Variants in CSGALNACT2 observed in about 807,000 individuals in gnomAD.
CSGALNACT2 encodes the protein chondroitin sulfate N-acetylgalactosaminyltransferase 2, also known as beta 4 GalNAcT-2.
In CSGALNACT2, 35 loss-of-function variants were observed where a neutral mutation model predicts 55.3. The ratio of observed to expected loss-of-function variants is 0.63; its 90% CI spans 0.48 to 0.84. CSGALNACT2 has a LOEUF of 0.84. Among genes scored for constraint, CSGALNACT2 ranks in the 40% least tolerant of loss-of-function variants. The pLI is 0.00. For missense variants in CSGALNACT2, 544 were observed against 657.5 expected (o/e 0.83, Z 1.89); for synonymous variants, 196 against 224.9 (o/e 0.87, Z 1.15).
intron 6 of CSGALNACT2, among the ~76,000 whole-genome samples, chr10:43,171,755 C>A (rs1439549915): frequency 1.3e-5 from 2 of 152,220 alleles, no homozygotes; most frequent in African/African-American, 4.8e-5. Flanking sequence ...TTAAGCACTT[C>A]AAGTTCTAGT....
intron 4 of CSGALNACT2, chr10:43,163,309 A>G (rs931277547): frequency 6.9e-5 from 56 of 814,904 alleles, no homozygotes; most frequent in Non-Finnish European, 8.3e-5. Context: ...ATCCATAGTA[A>G]TGAACAAAAC....
rs1275174063 is a variant in CSGALNACT2 at position 43,138,513 on chromosome 10, C to T, written c.-308C>T. On this transcript the variant is annotated 5_prime_UTR_variant, in exon 1 of 8. Transcript: ENST00000374466. ...GCGGCGGGCCCAAGGCGTGAGGCGC[C>T]GCCCGGGTGTCCCCGCGGCGCAGGA... 2.7e-5 allele frequency: 4 copies of T among 150,406 alleles called. No individual in the cohort carries two copies. The East Asian group carries it at 7.8e-4, about 29-fold the overall frequency. 9.3% of individuals were successfully genotyped at this position (150,406 alleles called of 1,614,324 possible).
intron 7 of CSGALNACT2, 71 bp downstream of exon 7, chr10:43,176,103 T>C: frequency 7.9e-7 from 1 of 1,270,782 alleles, no homozygotes; most frequent in Non-Finnish European, 1.1e-6. Context: ...CTAAAAGGTC[T>C]CAGATTTGAG....
Position 43,155,228 on chromosome 10 carries a change from T to G in CSGALNACT2, c.79T>G (p.Leu27Val). The change falls in exon 2 of 8, where the codon TTA (leucine) becomes GTA (valine). Residue 27 changes from leucine to valine, a missense_variant. By Grantham distance (32) the Leu-to-Val change is conservative (BLOSUM62 1). Transcript: ENST00000374466. ...LGLALLCSLVLFMYLLECAPQ... is the reference protein window; with the variant it reads ...LGLALLCSLVVFMYLLECAPQ... ...CCTTGCTTTGCTCTGCAGTTTGGTA[T>G]TATTTATGTACCTCCTGGAATGTGC... is the stretch of plus-strand genomic sequence containing the variant. The G allele has an allele frequency of 6.2e-7, 1 of 1,614,184 alleles. No homozygotes were observed. The highest frequency in any genetic ancestry group is 1.1e-5 in the South Asian group (1 of 91,078).
chr10:43,140,463 GATTC>G (rs954218959), intron 1 of CSGALNACT2, among the ~76,000 whole-genome samples: 33 of 152,270 alleles, frequency 2.2e-4, no homozygotes, highest in African/African-American at 7.0e-4. Flanking sequence ...AGACGTAAGT[GATTC>G]ATTCATTACC....
At chr10:43,174,771 A>G (rs1564520462) in intron 6 of CSGALNACT2, among the ~76,000 whole-genome samples, 1 of 152,142 alleles carries the variant, frequency 6.6e-6, no homozygotes, top group East Asian at 1.9e-4. Flanking sequence ...CCTAAAATGT[A>G]TATTTATTTA....
chr10:43,161,659 C>T (rs908789870), intron 4 of CSGALNACT2, among the ~76,000 whole-genome samples: 49 of 152,098 alleles, frequency 3.2e-4, no homozygotes, highest in African/African-American at 1.2e-3. Context: ...CTGTCTTCCC[C>T]TTCCCTACAC....
At position 43,155,649 on chromosome 10, in the gene CSGALNACT2, C is replaced by T; in HGVS notation, c.500C>T (p.Pro167Leu). Residue 167 changes from proline to leucine, a missense_variant, in exon 2 of 8, where the codon CCT (proline) becomes CTT (leucine). Around this residue, in one of 2 missense-constraint regions of CSGALNACT2, gnomAD observed 374 missense variants for 401.3 expected, o/e 0.93. Transcript: ENST00000374466. ...TTGGAAATGGGTCTCACTCGCCATCCTGAAGAAAAGCCAGTTAGAAAAGAC... is the reference window on the plus strand; with the variant it reads ...TTGGAAATGGGTCTCACTCGCCATCTTGAAGAAAAGCCAGTTAGAAAAGAC... ...FQLEMGLTRH[P>L]EEKPVRKDKR... 6.2e-7 allele frequency: 1 copy of T among 1,614,096 alleles called. No homozygotes were observed. The highest frequency in any genetic ancestry group is 8.5e-7 in the Non-Finnish European group (1 of 1,180,030).
In CSGALNACT2 at chr10:43,163,056, G is replaced by T. The variant is rs151229779; in HGVS notation, c.981-810G>T. ...GGGTCCTTTTCTACCAATCTGATTT[G>T]TCTGATCCCTTTTCTCTAAAATGCT... On this transcript the variant is annotated intron_variant, in intron 4 of 7. Coordinates refer to ENST00000374466, the MANE Select transcript of CSGALNACT2 (RefSeq NM_018590.5). 2.2e-3 allele frequency: 2,191 copies of T among 985,106 alleles called. 43 individuals are homozygous for T. In the African/African-American group the frequency reaches 0.035, roughly 16 times the overall value. 61.0% of individuals were successfully genotyped at this position (985,106 alleles called of 1,614,324 possible).
chr10:43,184,660 G>GT lies in CSGALNACT2; in HGVS notation c.*1119dup, dbSNP rs1016298035. On this transcript the variant is annotated 3_prime_UTR_variant, in exon 8 of 8. Coordinates refer to ENST00000374466, the MANE Select transcript of CSGALNACT2 (RefSeq NM_018590.5). Reference sequence around the variant, plus strand: ...AATACGGAATGTTTTAGAGAAATATGTCACTTGCATATAGAATGTTTTAAT... The same window carrying GT: ...AATACGGAATGTTTTAGAGAAATATGTTCACTTGCATATAGAATGTTTTAAT... The GT allele has an allele frequency of 6.6e-6, 1 of 152,170 alleles. No individual in the cohort carries two copies. The highest frequency in any genetic ancestry group is 2.4e-5 in the African/African-American group (1 of 41,436). The allele number at this position is 152,170 out of a possible 1,614,324, so 9.4% of individuals were successfully genotyped here. A position where few individuals can be genotyped will look rare whatever the true frequency, so the allele number is the denominator to read the frequency against.
At chr10:43,145,918 A>G (rs1838737364) in intron 1 of CSGALNACT2, among the ~76,000 whole-genome samples, 1 of 152,194 alleles carries the variant, frequency 6.6e-6, no homozygotes, top group Admixed American at 6.5e-5. Flanking sequence ...GTAAATATCT[A>G]GGAATGGAAT....
At chr10:43,147,565 G>T (rs546815045) in intron 1 of CSGALNACT2, among the ~76,000 whole-genome samples, 1 of 152,224 alleles carries the variant, frequency 6.6e-6, no homozygotes, top group South Asian at 2.1e-4. Flanking sequence ...GAGTGACAAA[G>T]ATTTTATCCT....
chr10:43,158,072 A>G lies in CSGALNACT2; in HGVS notation c.662-643A>G, dbSNP rs558160474. On this transcript the variant is annotated intron_variant, in intron 2 of 7. Transcript: ENST00000374466. ...AAATCAGATTGCCTCGTAGATGCGCATGCTTTTCTCTCAAAGGCATCTCAA... is the reference window on the plus strand; with the variant it reads ...AAATCAGATTGCCTCGTAGATGCGCGTGCTTTTCTCTCAAAGGCATCTCAA... 3.0e-4 allele frequency among the ~76,000 whole-genome samples: 45 copies of G among 151,332 alleles called. 1 individual carries two copies. The South Asian group carries it at 4.8e-3, about 16-fold the overall frequency.
At chr10:43,145,102 A>G (rs1202507962) in intron 1 of CSGALNACT2, among the ~76,000 whole-genome samples, 4 of 152,314 alleles carry the variant, frequency 2.6e-5, no homozygotes, top group Admixed American at 6.5e-5. Flanking sequence ...AGAAGCTGCT[A>G]TGAACATTTG....
At position 43,173,984 on chromosome 10, in the gene CSGALNACT2, C is replaced by T. The variant is rs1240093537; in HGVS notation, c.1255-1967C>T. On this transcript the variant is annotated intron_variant, in intron 6 of 7. Transcript: ENST00000374466. ...GTCCAGTCTGGGCAACACAGTGAGA[C>T]TCTGTCTCAAAATAATAATAATAAT... is the stretch of plus-strand genomic sequence containing the variant. Among the ~76,000 whole-genome samples the T allele has an allele frequency of 1.3e-4, 20 of 152,214 alleles. 2 individuals carry two copies. In the South Asian group the frequency reaches 3.9e-3, roughly 30 times the overall value.
chr10:43,141,225 T>C (rs571369015), intron 1 of CSGALNACT2, among the ~76,000 whole-genome samples: 81 of 152,102 alleles, frequency 5.3e-4, no homozygotes, highest in African/African-American at 1.8e-3. Context: ...CAAATAATTT[T>C]TTTTTTTTTT....
At chr10:43,152,211 AC>A (rs1411128902) in intron 1 of CSGALNACT2, among the ~76,000 whole-genome samples, 1 of 152,324 alleles carries the variant, frequency 6.6e-6, no homozygotes, top group East Asian at 1.9e-4. Flanking sequence ...CTGTGAATGA[AC>A]CGTATTCATG....
intron 7 of CSGALNACT2, among the ~76,000 whole-genome samples, chr10:43,177,610 A>G (rs539252714): frequency 6.6e-6 from 1 of 152,314 alleles, no homozygotes; most frequent in South Asian, 2.1e-4. Flanking sequence ...ATTCCTTTTT[A>G]TAGCCAAAAA....
At chr10:43,145,283 A>C (rs902640498) in intron 1 of CSGALNACT2, among the ~76,000 whole-genome samples, 1 of 152,230 alleles carries the variant, frequency 6.6e-6, no homozygotes, top group Admixed American at 6.5e-5. Flanking sequence ...CAAGGAAACA[A>C]GGCAAAGAAA....
Sources: allele counts gnomAD v4.1 joint callset (sites outside exome capture counted in the v4.1 genomes callset), GRCh38; gene constraint gnomAD v4.1.1; regional missense constraint gnomAD v4.1.1; transcripts MANE v1.5; gene names NCBI Gene and HGNC (gene_info 2026-07-23, HGNC 2026-07-21).